ADK: variants seen among roughly 807,000 people sequenced by gnomAD.
ADK encodes the protein adenosine kinase, also known as N6,N6-dimethyladenosine kinase.
ADK carries 24 observed loss-of-function variants against 44.7 expected under a neutral mutation model. The ratio of observed to expected loss-of-function variants is 0.54; its 90% CI spans 0.39 to 0.76. The LOEUF is 0.76. ADK is among the 30% of genes least tolerant of loss of function. The pLI, the probability that ADK is intolerant of heterozygous loss-of-function variation, is 0.00. For synonymous variants in ADK, 128 were observed against 142.6 expected (o/e 0.90, Z 0.73); for missense variants, 321 against 425.1 (o/e 0.76, Z 2.15).
intron 2 of ADK, among the ~76,000 whole-genome samples, chr10:74,214,499 A>C (rs1843942313): frequency 6.6e-6 from 1 of 152,212 alleles, no homozygotes; most frequent in Admixed American, 6.5e-5. Context: ...GTATTTATAG[A>C]ATATTTTATT....
intron 6 of ADK, among the ~76,000 whole-genome samples, chr10:74,517,650 C>T (rs1046264503): frequency 2.0e-5 from 3 of 150,278 alleles, no homozygotes; most frequent in Admixed American, 1.3e-4. Context: ...GATTGCACCA[C>T]TGCACTCTAG....
intron 1 of ADK, 80 bp downstream of exon 1, chr10:74,151,423 C>A: frequency 6.9e-7 from 1 of 1,452,764 alleles, no homozygotes; most frequent in Non-Finnish European, 9.4e-7. Flanking sequence ...ACGGCCCCGA[C>A]GCTGGGTGGT....
chr10:74,200,879 A>G (rs745884982), intron 2 of ADK, 41 bp downstream of exon 2: 1 of 1,299,070 alleles, frequency 7.7e-7, no homozygotes, highest in Non-Finnish European at 1.1e-6. Flanking sequence ...TGGAACTTAC[A>G]TTTGAAGAAG....
At chr10:74,183,145 G>A (rs1445045461) in intron 1 of ADK, among the ~76,000 whole-genome samples, 1 of 152,134 alleles carries the variant, frequency 6.6e-6, no homozygotes, top group African/African-American at 2.4e-5. Context: ...ATATTGTCCA[G>A]GCTGGCTTTG....
chr10:74,700,234 T>G (rs1856369117), intron 10 of ADK, among the ~76,000 whole-genome samples: 1 of 152,190 alleles, frequency 6.6e-6, no homozygotes, highest in Non-Finnish European at 1.5e-5. Flanking sequence ...TGATGTATAA[T>G]GATTACCAGG....
chr10:74,474,596 T>A (rs1330213734), intron 6 of ADK, among the ~76,000 whole-genome samples: 6 of 151,122 alleles, frequency 4.0e-5, no homozygotes. Context: ...CAGGCTGGAG[T>A]GCAGTGGCGA....
At chr10:74,433,816 G>A (rs1235138880) in intron 6 of ADK, among the ~76,000 whole-genome samples, 3 of 90,672 alleles carry the variant, frequency 3.3e-5, no homozygotes, top group African/African-American at 8.3e-5. Context: ...TTGCTAAAAC[G>A]AAATACTTTG....
intron 8 of ADK, among the ~76,000 whole-genome samples, chr10:74,596,831 G>GCCA (rs1399890219): frequency 5.3e-5 from 8 of 152,200 alleles, no homozygotes; most frequent in Non-Finnish European, 1.0e-4. Context: ...ACAGGCATGA[G>GCCA]CCACCACGCC....
chr10:74,165,937 G>T (rs1458480048), intron 1 of ADK, among the ~76,000 whole-genome samples: 1 of 152,130 alleles, frequency 6.6e-6, no homozygotes, highest in Non-Finnish European at 1.5e-5. Context: ...ATTTTTAGTA[G>T]ATTATATTTT....
At chr10:74,166,830 G>A (rs553148409) in intron 1 of ADK, among the ~76,000 whole-genome samples, 2 of 152,130 alleles carry the variant, frequency 1.3e-5, no homozygotes, top group South Asian at 4.1e-4. Context: ...ATGAGCTTGT[G>A]AGGAACTTCT....
At chr10:74,469,421 T>C (rs1368892542) in intron 6 of ADK, among the ~76,000 whole-genome samples, 2 of 152,174 alleles carry the variant, frequency 1.3e-5, no homozygotes, top group African/African-American at 2.4e-5. Context: ...AGTGTAGTAG[T>C]GCATAGCATA....
At chr10:74,312,238 C>T (rs576578697) in intron 3 of ADK, among the ~76,000 whole-genome samples, 1 of 151,968 alleles carries the variant, frequency 6.6e-6, no homozygotes, top group East Asian at 1.9e-4. Context: ...TGCAAAAAAC[C>T]AAGAACGGCC....
At chr10:74,625,339 A>G (rs987341414) in intron 9 of ADK, among the ~76,000 whole-genome samples, 1 of 152,140 alleles carries the variant, frequency 6.6e-6, no homozygotes, top group African/African-American at 2.4e-5. Flanking sequence ...AGTCCTTCAT[A>G]TGATTTGTTA....
Position 74,376,841 on chromosome 10 carries a change from C to T in ADK, c.274-17300C>T, listed in dbSNP as rs188320827. On this transcript the variant is annotated intron_variant, in intron 4 of 10. Coordinates refer to ENST00000539909, the MANE Select transcript of ADK (RefSeq NM_006721.4). ...TAAAAGAGAAACTGTGTTATTTTTC[C>T]AGGAGAATATCTCACTTTCTGAATT... 8.4e-4 allele frequency among the ~76,000 whole-genome samples: 125 copies of T among 147,978 alleles called. No individual in the cohort carries two copies. The Middle Eastern group carries it at 0.014, about 17-fold the overall frequency.
intron 6 of ADK, among the ~76,000 whole-genome samples, chr10:74,516,373 A>G (rs190868024): frequency 6.6e-6 from 1 of 151,000 alleles, no homozygotes; most frequent in Non-Finnish European, 1.5e-5. Flanking sequence ...CTATCAGTGC[A>G]CCCCACTACT....
intron 3 of ADK, among the ~76,000 whole-genome samples, chr10:74,235,266 G>A (rs1445042664): frequency 6.6e-6 from 1 of 151,702 alleles, no homozygotes; most frequent in Non-Finnish European, 1.5e-5. Context: ...GAAAATCTTA[G>A]CAAGATCCAG....
At chr10:74,500,282 T>C (rs1475279977) in intron 6 of ADK, among the ~76,000 whole-genome samples, 1 of 152,202 alleles carries the variant, frequency 6.6e-6, no homozygotes, top group Non-Finnish European at 1.5e-5. Context: ...CTCTACTTTT[T>C]CCCCCACTCC....
chr10:74,544,883 G>GT (rs1849771556), intron 7 of ADK, among the ~76,000 whole-genome samples: 1 of 151,228 alleles, frequency 6.6e-6, no homozygotes, highest in Admixed American at 6.6e-5. Flanking sequence ...AAACCGAGGA[G>GT]TTTTTTCTTT....
At chr10:74,327,746 T>TA (rs556567525) in intron 4 of ADK, among the ~76,000 whole-genome samples, 19 of 149,046 alleles carry the variant, frequency 1.3e-4, no homozygotes, top group Admixed American at 6.7e-4. Context: ...AAATAAAAGT[T>TA]AAAAAAAAAA....
Sources: allele counts gnomAD v4.1 joint callset (sites outside exome capture counted in the v4.1 genomes callset), GRCh38; gene constraint gnomAD v4.1.1; transcripts MANE v1.5; gene names NCBI Gene and HGNC (gene_info 2026-07-23, HGNC 2026-07-21).